The following GPR158 variants were observed in gnomAD, a reference collection of about 807,000 sequenced individuals.
GPR158 encodes the protein metabotropic glycine receptor.
Under a neutral mutation model 78.2 loss-of-function variants are expected in GPR158, and 30 were observed. That is an observed-to-expected ratio of 0.38 (90% CI 0.29 to 0.52). The LOEUF (loss-of-function observed/expected upper bound fraction) is 0.52. Ranked by LOEUF, GPR158 falls within the 20% of genes least tolerant of loss-of-function variation. GPR158 has a pLI of 0.83. For missense variants in GPR158, 1,463 were observed against 1,523.5 expected (o/e 0.96, Z 0.66); for synonymous variants, 581 against 591.1 (o/e 0.98, Z 0.25).
intron 1 of GPR158, among the ~76,000 whole-genome samples, chr10:25,207,858 CT>C (rs1421432501): frequency 1.3e-5 from 2 of 152,178 alleles, no homozygotes; most frequent in African/African-American, 4.8e-5. Flanking sequence ...TTTATAAGAT[CT>C]TTAAGGACTC....
rs180896173 is a variant in GPR158, at chr10:25,291,017, A to G, written c.1008+69860A>G. Among the ~76,000 whole-genome samples the G allele has an allele frequency of 1.3e-4, 20 of 152,194 alleles. 1 individual carries two copies. Among genetic ancestry groups the G allele is most frequent in the African/African-American group, 4.6e-4 (19 of 41,582 alleles). ...AATACAATCTCATGCAATTATCTTA[A>G]TATTTGCACATTGCCTTCTGCATGC... On this transcript the variant is annotated intron_variant, in intron 2 of 10. Coordinates refer to ENST00000376351, the MANE Select transcript of GPR158 (RefSeq NM_020752.3).
chr10:25,377,754 A>G (rs1452347782), intron 2 of GPR158, among the ~76,000 whole-genome samples: 1 of 152,124 alleles, frequency 6.6e-6, no homozygotes, highest in East Asian at 1.9e-4. Flanking sequence ...ATGGATAAAC[A>G]ACATTTTATT....
chr10:25,347,938 C>G (rs1175280588), intron 2 of GPR158, among the ~76,000 whole-genome samples: 1 of 151,888 alleles, frequency 6.6e-6, no homozygotes, highest in Non-Finnish European at 1.5e-5. Flanking sequence ...TCCACCATCA[C>G]CAATATTAAT....
intron 2 of GPR158, among the ~76,000 whole-genome samples, chr10:25,374,251 GT>G (rs950117156): frequency 1.5e-4 from 22 of 151,082 alleles, no homozygotes; most frequent in Non-Finnish European, 2.4e-4. Flanking sequence ...ATAATATGTA[GT>G]TTTTTTTATA....
intron 2 of GPR158, among the ~76,000 whole-genome samples, chr10:25,374,505 A>G (rs771964121): frequency 1.1e-4 from 16 of 151,892 alleles, no homozygotes; most frequent in African/African-American, 3.6e-4. Context: ...CATTACCACA[A>G]TTACAATACA....
chr10:25,424,010 C>A (rs1231538734), intron 4 of GPR158, among the ~76,000 whole-genome samples: 1 of 152,102 alleles, frequency 6.6e-6, no homozygotes, highest in East Asian at 1.9e-4. Context: ...AGTGTAAAAG[C>A]GTTCCTATTT....
intron 1 of GPR158, among the ~76,000 whole-genome samples, chr10:25,205,368 T>G (rs1168893849): frequency 6.6e-6 from 1 of 151,948 alleles, no homozygotes; most frequent in Non-Finnish European, 1.5e-5. Context: ...GAATAGTTTT[T>G]CATGTCTTAA....
intron 2 of GPR158, among the ~76,000 whole-genome samples, chr10:25,375,807 A>G (rs890499754): frequency 6.6e-6 from 1 of 151,566 alleles, no homozygotes; most frequent in Admixed American, 6.6e-5. Flanking sequence ...AATGAGTTAT[A>G]ATATTGAATA....
rs1837490588 is a variant in GPR158 at position 25,601,083 on chromosome 10, G to A, written c.*1809G>A. ...AGGACATGCTAGGGTGATAAAAGATGGAGAAACAGGATCAGAGGGTGGATA... is the reference window on the plus strand; with the variant it reads ...AGGACATGCTAGGGTGATAAAAGATAGAGAAACAGGATCAGAGGGTGGATA... On this transcript the variant is annotated 3_prime_UTR_variant, in exon 11 of 11. Coordinates refer to ENST00000376351, the MANE Select transcript of GPR158 (RefSeq NM_020752.3). The A allele has an allele frequency of 6.6e-6, 1 of 152,410 alleles. No homozygotes were observed. The highest frequency in any genetic ancestry group is 1.5e-5 in the Non-Finnish European group (1 of 68,028). The allele number at this position is 152,410 out of a possible 1,614,324, so 9.4% of individuals were successfully genotyped here.
At position 25,241,284 on chromosome 10, in the gene GPR158, CT is replaced by C. The variant is rs1564399576; in HGVS notation, c.1008+20131del. Among the ~76,000 whole-genome samples the C allele has an allele frequency of 4.9e-4, 53 of 108,964 alleles. 3 individuals carry two copies. The highest frequency in any genetic ancestry group is 1.7e-3 in the Admixed American group (18 of 10,530). 71.5% of individuals were successfully genotyped at this position (108,964 alleles called of 152,430 possible). On this transcript the variant is annotated intron_variant, in intron 2 of 10. Coordinates refer to ENST00000376351, the MANE Select transcript of GPR158 (RefSeq NM_020752.3). ...CTTTCTTTCTTTCCTTTCTTTCTTT[CT>C]TTTCTTTTCTTTTCTTTTCTTTTCT...
chr10:25,546,206 T>A (rs1289164435), intron 5 of GPR158, among the ~76,000 whole-genome samples: 1 of 152,124 alleles, frequency 6.6e-6, no homozygotes, highest in East Asian at 1.9e-4. Context: ...TCTCTAGTGG[T>A]GTGTCTATAC....
chr10:25,200,222 A>T (rs1456706749), intron 1 of GPR158, among the ~76,000 whole-genome samples: 1 of 152,134 alleles, frequency 6.6e-6, no homozygotes, highest in African/African-American at 2.4e-5. Flanking sequence ...CTGGTGTGAG[A>T]TGGTATCATT....
chr10:25,202,318 T>G (rs79530244), intron 1 of GPR158, among the ~76,000 whole-genome samples: 7 of 115,830 alleles, frequency 6.0e-5, no homozygotes, highest in Non-Finnish European at 8.7e-5. Context: ...TTGTTACACA[T>G]ATATATATAT....
chr10:25,322,675 A>G (rs2130480486), intron 2 of GPR158, among the ~76,000 whole-genome samples: 1 of 152,330 alleles, frequency 6.6e-6, no homozygotes, highest in Middle Eastern at 3.4e-3. Flanking sequence ...GTATTCCTTA[A>G]ATAATAAGAC....
chr10:25,369,054 C>T (rs1390724059), intron 2 of GPR158, among the ~76,000 whole-genome samples: 2 of 150,822 alleles, frequency 1.3e-5, no homozygotes, highest in Non-Finnish European at 3.0e-5. Context: ...TGCTTATCAG[C>T]TTGAGATTTT....
At chr10:25,332,642 G>T (rs1245912749) in intron 2 of GPR158, among the ~76,000 whole-genome samples, 2 of 152,150 alleles carry the variant, frequency 1.3e-5, no homozygotes, top group Admixed American at 1.3e-4. Context: ...CATACTTTCT[G>T]ACTTTCATTT....
chr10:25,468,437 C>T (rs1346856097), intron 5 of GPR158, among the ~76,000 whole-genome samples: 1 of 152,146 alleles, frequency 6.6e-6, no homozygotes, highest in Non-Finnish European at 1.5e-5. Flanking sequence ...GCTAATTATA[C>T]TTTTCTTCCC....
In GPR158 at chr10:25,503,363, AT is replaced by A. The variant is rs561284837; in HGVS notation, c.1404+36645del. On this transcript the variant is annotated intron_variant, in intron 5 of 10. Coordinates refer to ENST00000376351, the MANE Select transcript of GPR158 (RefSeq NM_020752.3). ...CTGCACTCCTATCTGGGACAAAAAAATAATTTAATTCAGTTCCAGTTTAGTT... is the reference window on the plus strand; with the variant it reads ...CTGCACTCCTATCTGGGACAAAAAAAAATTTAATTCAGTTCCAGTTTAGTT... 2.5e-3 allele frequency among the ~76,000 whole-genome samples: 375 copies of A among 152,126 alleles called. 4 individuals carry two copies. The highest frequency in any genetic ancestry group is 8.6e-3 in the African/African-American group (359 of 41,508).
At chr10:25,231,959 C>G (rs771618035) in intron 2 of GPR158, among the ~76,000 whole-genome samples, 4 of 152,076 alleles carry the variant, frequency 2.6e-5, no homozygotes, top group Non-Finnish European at 5.9e-5. Flanking sequence ...ATATGCAGGG[C>G]AGGGCAAGAG....
Sources: allele counts gnomAD v4.1 joint callset (sites outside exome capture counted in the v4.1 genomes callset), GRCh38; gene constraint gnomAD v4.1.1; transcripts MANE v1.5; gene names NCBI Gene and HGNC (gene_info 2026-07-23, HGNC 2026-07-21).